Variants in OR1J2 observed in about 807,000 individuals in gnomAD.
The protein encoded by OR1J2 is olfactory receptor family 1 subfamily J member 2, also known as olfactory receptor 1J2.
For missense variants in OR1J2, 304 were observed against 246.1 expected, an observed-to-expected ratio of 1.24 and a Z score of -1.57; for synonymous variants, 142 against 99.7, an observed-to-expected ratio of 1.42 and a Z score of -2.52.
the OR1J2 span, chr9:122,526,935 C>T: frequency 1.4e-5 from 23 of 1,613,986 alleles, no homozygotes; most frequent in Admixed American, 3.3e-5. Context: ...GGCCACATAG[C>T]GGTCATACGC....
At chr9:122,473,381 A>T in the OR1J2 span, among the ~76,000 whole-genome samples, 1 of 152,318 alleles carries the variant, frequency 6.6e-6, no homozygotes, top group East Asian at 1.9e-4. Context: ...GCAATGGATC[A>T]TCTCTCTAAA....
At chr9:122,521,856 A>G in the OR1J2 span, among the ~76,000 whole-genome samples, 1 of 152,188 alleles carries the variant, frequency 6.6e-6, no homozygotes, top group African/African-American at 2.4e-5. Flanking sequence ...CAGAGAGACC[A>G]ATATTGTCAT....
chr9:122,525,580 G>T, the OR1J2 span, among the ~76,000 whole-genome samples: 3 of 152,140 alleles, frequency 2.0e-5, no homozygotes, highest in East Asian at 5.8e-4. Context: ...TTTAGATGTG[G>T]ACGCAAACCT....
the OR1J2 span, among the ~76,000 whole-genome samples, chr9:122,566,841 A>G: frequency 1.3e-5 from 2 of 152,186 alleles, no homozygotes; most frequent in Non-Finnish European, 1.5e-5. Context: ...GGGAAGGTGA[A>G]CCAGAAGAAA....
the OR1J2 span, among the ~76,000 whole-genome samples, chr9:122,488,069 C>G: frequency 6.6e-6 from 1 of 152,254 alleles, no homozygotes; most frequent in Admixed American, 6.5e-5. Context: ...GGCTTTCTTC[C>G]ATGTTGCCTC....
chr9:122,529,531 C>G, the OR1J2 span, among the ~76,000 whole-genome samples: 197 of 152,308 alleles, frequency 1.3e-3, 2 homozygotes, highest in African/African-American at 4.5e-3. Context: ...AAAAAAGGGT[C>G]CAAAGCAGCC....
At chr9:122,473,353 G>C in the OR1J2 span, among the ~76,000 whole-genome samples, 1 of 152,080 alleles carries the variant, frequency 6.6e-6, no homozygotes, top group African/African-American at 2.4e-5. Context: ...TGATCTCCTA[G>C]TAGGGCCCTA....
At chr9:122,551,740 G>T in the OR1J2 span, among the ~76,000 whole-genome samples, 1 of 152,104 alleles carries the variant, frequency 6.6e-6, no homozygotes, top group African/African-American at 2.4e-5. Context: ...GCTGCACAAT[G>T]ACACCGAGGT....
chr9:122,568,817 A>C, the OR1J2 span: 14 of 195,332 alleles, frequency 7.2e-5, no homozygotes, highest in Non-Finnish European at 1.3e-4. Context: ...TAGAGCAGAC[A>C]GATTTCTGCT....
At chr9:122,461,374 GTTA>G in the OR1J2 span, among the ~76,000 whole-genome samples, 21 of 150,428 alleles carry the variant, frequency 1.4e-4, no homozygotes, top group Non-Finnish European at 2.5e-4. Flanking sequence ...AGATAATCAT[GTTA>G]TTATCCTATC....
At chr9:122,521,609 G>A in the OR1J2 span, among the ~76,000 whole-genome samples, 3 of 152,260 alleles carry the variant, frequency 2.0e-5, no homozygotes, top group East Asian at 1.9e-4. Context: ...GCTTAGCCCC[G>A]ACCTTTTCCA....
chr9:122,568,203 GTCT>G, the OR1J2 span: 3 of 1,614,080 alleles, frequency 1.9e-6, no homozygotes, highest in Admixed American at 3.3e-5. Context: ...ATAGGAGATG[GTCT>G]TCTTTTCTGA....
the OR1J2 span, among the ~76,000 whole-genome samples, chr9:122,573,336 C>T: frequency 3.3e-5 from 5 of 152,290 alleles, no homozygotes; most frequent in South Asian, 2.1e-4. Flanking sequence ...CTGCAATATC[C>T]GAAGGGAATG....
chr9:122,538,106 T>G, the OR1J2 span, among the ~76,000 whole-genome samples: 1 of 152,158 alleles, frequency 6.6e-6, no homozygotes, highest in Non-Finnish European at 1.5e-5. Flanking sequence ...TTCTTATCTG[T>G]GCAGCTGTGG....
chr9:122,548,601 A>T, the OR1J2 span, among the ~76,000 whole-genome samples: 10 of 151,654 alleles, frequency 6.6e-5, no homozygotes, highest in South Asian at 2.1e-4. Context: ...ATATATATAT[A>T]TTTTTATTAT....
chr9:122,490,368 T>C, the OR1J2 span, among the ~76,000 whole-genome samples: 2 of 152,222 alleles, frequency 1.3e-5, no homozygotes, highest in African/African-American at 4.8e-5. Flanking sequence ...CCCCTTCCCA[T>C]TGCAACTTGC....
chr9:122,532,522 T>A, the OR1J2 span, among the ~76,000 whole-genome samples: 2 of 150,226 alleles, frequency 1.3e-5, no homozygotes, highest in African/African-American at 4.9e-5. Flanking sequence ...GGAGGCCGGA[T>A]TGAAGTCCGG....
chr9:122,501,928 A>G, the OR1J2 span, among the ~76,000 whole-genome samples: 3 of 152,338 alleles, frequency 2.0e-5, no homozygotes, highest in Middle Eastern at 3.4e-3. Flanking sequence ...TCCCACTGAG[A>G]AAACACTAGA....
the OR1J2 span, among the ~76,000 whole-genome samples, chr9:122,476,632 A>C: frequency 6.6e-6 from 1 of 152,232 alleles, no homozygotes; most frequent in African/African-American, 2.4e-5. Context: ...TTGAGGAAAA[A>C]TATTACATGG....
Sources: gnomAD v4.1 joint callset for allele counts (sites outside exome capture counted in the v4.1 genomes callset) on GRCh38, gnomAD v4.1.1 for gene constraint, MANE v1.5 for transcripts, NCBI Gene and HGNC (gene_info 2026-07-23, HGNC 2026-07-21) for gene names.